FHOD3: variants seen among roughly 807,000 people sequenced by gnomAD.
FHOD3 encodes FH1/FH2 domain-containing protein 3.
Under a neutral mutation model 173.0 loss-of-function variants are expected in FHOD3, and 90 were observed. The observed-to-expected ratio is 0.52, with a 90% CI of 0.44 to 0.62. FHOD3 has a LOEUF of 0.62. Among genes scored for constraint, FHOD3 ranks in the 20% least tolerant of loss-of-function variants. The pLI, the probability that FHOD3 is intolerant of heterozygous loss-of-function variation, is 0.00. For synonymous variants in FHOD3, 828 were observed against 823.0 expected, an observed-to-expected ratio of 1.01 and a Z score of -0.10; for missense variants, 1,945 against 2,034.7, an observed-to-expected ratio of 0.96 and a Z score of 0.85.
rs1240664309 is a variant in FHOD3, at chr18:36,317,518, GTCT to G, written c.165+19525_165+19527del. ...TCATATGTCTGTTGGCTGCATAAAT[GTCT>G]TCTTCTGAGAATTATCTGTTCATAT... On this transcript the variant is annotated intron_variant, in intron 1 of 28. Coordinates refer to ENST00000590592, the MANE Select transcript of FHOD3 (RefSeq NM_001281740.3). Among the ~76,000 whole-genome samples the G allele has an allele frequency of 2.6e-5, 4 of 152,322 alleles. No homozygotes were observed. In the South Asian group the frequency reaches 6.2e-4, roughly 24 times the overall value.
At chr18:36,759,577 C>A (rs2042780910) in intron 26 of FHOD3, among the ~76,000 whole-genome samples, 1 of 152,252 alleles carries the variant, frequency 6.6e-6, no homozygotes, top group Non-Finnish European at 1.5e-5. Flanking sequence ...AGCCAGTAGG[C>A]AGCCTCTGAT....
At chr18:36,455,579 A>G (rs2052147964) in intron 3 of FHOD3, among the ~76,000 whole-genome samples, 1 of 112,932 alleles carries the variant, frequency 8.9e-6, no homozygotes, top group Non-Finnish European at 1.6e-5. Flanking sequence ...CTTTAATTAA[A>G]AAAAAAAAAA....
chr18:36,377,676 G>A (rs1439234514), intron 3 of FHOD3, among the ~76,000 whole-genome samples: 4 of 152,192 alleles, frequency 2.6e-5, no homozygotes, highest in African/African-American at 9.7e-5. Context: ...CCCTCTGGGT[G>A]CTTGCTGTAG....
At chr18:36,325,044 A>G (rs1281454861) in intron 1 of FHOD3, among the ~76,000 whole-genome samples, 1 of 152,252 alleles carries the variant, frequency 6.6e-6, no homozygotes, top group African/African-American at 2.4e-5. Flanking sequence ...TCTCACAGAT[A>G]TATAGTTGCA....
chr18:36,652,782 C>T lies in FHOD3; in HGVS notation c.1499C>T (p.Ser500Phe), dbSNP rs1035357717. 3 of 1,536,028 alleles carry T rather than the reference C, an allele frequency of 2.0e-6. No homozygotes were observed. The highest frequency in any genetic ancestry group is 1.7e-6 in the Non-Finnish European group (2 of 1,146,734). Residue 500 changes from serine to phenylalanine, a missense_variant, in exon 12 of 29, where the codon TCC (serine) becomes TTC (phenylalanine). Ser to Phe is a radical substitution (Grantham distance 155). Transcript: ENST00000590592. ...CCTGCCTCAGCTGCTCGGCCCTCCTCCGCCACACCAGGCTCCCTGAAGGTG... is the reference window on the plus strand; with the variant it reads ...CCTGCCTCAGCTGCTCGGCCCTCCTTCGCCACACCAGGCTCCCTGAAGGTG... The part of the protein sequence containing the change: ...SPPASAARPS[S>F]ATPGSLKVSP...
chr18:36,512,580 T>C, intron 5 of FHOD3, 37 bp downstream of exon 5: 2 of 1,450,028 alleles, frequency 1.4e-6, no homozygotes, highest in South Asian at 2.3e-5. Context: ...CTGCCCCAGC[T>C]GCAGGGGGGA....
At chr18:36,299,323 G>A (rs1019003825) in intron 1 of FHOD3, among the ~76,000 whole-genome samples, 8 of 152,208 alleles carry the variant, frequency 5.3e-5, no homozygotes, top group Admixed American at 4.6e-4. Flanking sequence ...ACAGAGGGTC[G>A]TCATCATCCA....
chr18:36,465,609 T>C (rs1490779291), intron 3 of FHOD3, among the ~76,000 whole-genome samples: 1 of 152,160 alleles, frequency 6.6e-6, no homozygotes, highest in African/African-American at 2.4e-5. Context: ...GCTGATGGCT[T>C]CCTAATGATT....
At chr18:36,543,712 G>A (rs919782113) in intron 5 of FHOD3, among the ~76,000 whole-genome samples, 5 of 152,204 alleles carry the variant, frequency 3.3e-5, no homozygotes, top group African/African-American at 1.2e-4. Context: ...AGGCCCAGTT[G>A]AGCTCCAAAA....
intron 5 of FHOD3, among the ~76,000 whole-genome samples, chr18:36,518,899 A>G (rs1250877209): frequency 6.6e-6 from 1 of 152,088 alleles, no homozygotes; most frequent in Non-Finnish European, 1.5e-5. Context: ...TCTCCTTGGC[A>G]TGCTGTTAGG....
At chr18:36,505,177 G>C (rs2146139735) in intron 4 of FHOD3, among the ~76,000 whole-genome samples, 1 of 152,330 alleles carries the variant, frequency 6.6e-6, no homozygotes, top group Non-Finnish European at 1.5e-5. Context: ...GTGCTCTGTG[G>C]TATAAAGGTA....
At chr18:36,503,676 G>A (rs1327383007) in intron 4 of FHOD3, among the ~76,000 whole-genome samples, 4 of 152,188 alleles carry the variant, frequency 2.6e-5, no homozygotes, top group Non-Finnish European at 5.9e-5. Context: ...AGCTATTCAT[G>A]GCACTGTGTG....
At chr18:36,733,836 C>T (rs992638429) in intron 20 of FHOD3, among the ~76,000 whole-genome samples, 11 of 152,164 alleles carry the variant, frequency 7.2e-5, no homozygotes, top group Non-Finnish European at 1.3e-4. Context: ...TGCTCCCCAA[C>T]GTGAAGAAGA....
chr18:36,538,901 TCC>T (rs1183137671), intron 5 of FHOD3, among the ~76,000 whole-genome samples: 11 of 152,318 alleles, frequency 7.2e-5, no homozygotes, highest in African/African-American at 2.4e-4. Context: ...TATGGAGCTA[TCC>T]ATGCACATTT....
intron 11 of FHOD3, among the ~76,000 whole-genome samples, chr18:36,651,427 A>G (rs1011490742): frequency 2.6e-5 from 4 of 152,138 alleles, no homozygotes; most frequent in Non-Finnish European, 5.9e-5. Context: ...AGCTCTTTTT[A>G]TAGTTTTATA....
chr18:36,559,621 G>T (rs1460319774), intron 5 of FHOD3, among the ~76,000 whole-genome samples: 1 of 152,062 alleles, frequency 6.6e-6, no homozygotes, highest in Admixed American at 6.5e-5. Context: ...TTCCCTCCTT[G>T]TGTAAGGTTT....
At chr18:36,327,525 T>C (rs191020659) in intron 1 of FHOD3, among the ~76,000 whole-genome samples, 17 of 152,354 alleles carry the variant, frequency 1.1e-4, no homozygotes, top group African/African-American at 4.1e-4. Flanking sequence ...GTTGGTAGTA[T>C]TTCTCACTTC....
intron 9 of FHOD3, among the ~76,000 whole-genome samples, chr18:36,619,131 G>A (rs567654952): frequency 6.6e-6 from 1 of 152,186 alleles, no homozygotes; most frequent in South Asian, 2.1e-4. Context: ...TGTACTTGGA[G>A]ACCACTATAT....
chr18:36,659,891 C>T (rs973710182), intron 14 of FHOD3, among the ~76,000 whole-genome samples: 7 of 152,318 alleles, frequency 4.6e-5, no homozygotes, highest in Non-Finnish European at 1.0e-4. Flanking sequence ...CTGAAGGACT[C>T]CTGTCTGTGT....
Sources: allele counts gnomAD v4.1 joint callset (sites outside exome capture counted in the v4.1 genomes callset), GRCh38; gene constraint gnomAD v4.1.1; transcripts MANE v1.5; gene names NCBI Gene and HGNC (gene_info 2026-07-23, HGNC 2026-07-21).